GSR: variants seen among roughly 807,000 people sequenced by gnomAD.
GSR encodes the protein glutathione-disulfide reductase, also known as glutathione reductase, mitochondrial.
In GSR, 48 loss-of-function variants were observed where a neutral mutation model predicts 56.5. That is an observed-to-expected ratio of 0.85 (90% CI 0.67 to 1.08). GSR has a LOEUF of 1.08. GSR is among the 50% of genes least tolerant of loss of function. The pLI is 0.00. For missense variants in GSR, 694 were observed against 703.3 expected (o/e 0.99, Z 0.15); for synonymous variants, 264 against 270.8 (o/e 0.97, Z 0.25).
chr8:30,695,636 C>G (rs1440035766), intron 7 of GSR, among the ~76,000 whole-genome samples: 1 of 152,118 alleles, frequency 6.6e-6, no homozygotes, highest in African/African-American at 2.4e-5. Context: ...CTCAGGGAAG[C>G]CAAAAGATTG....
chr8:30,725,400 C>T (rs1370826997), intron 1 of GSR, among the ~76,000 whole-genome samples: 1 of 149,728 alleles, frequency 6.7e-6, no homozygotes, highest in African/African-American at 2.5e-5. Context: ...CCTGGCTCTA[C>T]TAAAAATACA....
At chr8:30,722,878 T>C (rs1356283156) in intron 1 of GSR, among the ~76,000 whole-genome samples, 1 of 152,200 alleles carries the variant, frequency 6.6e-6, no homozygotes, top group Non-Finnish European at 1.5e-5. Flanking sequence ...AGATGAACAA[T>C]GATTCACTGA....
chr8:30,696,296 T>G, intron 7 of GSR, 84 bp downstream of exon 7: 1 of 934,234 alleles, frequency 1.1e-6, no homozygotes, highest in African/African-American at 1.6e-5. Flanking sequence ...CTTTGCACCC[T>G]AGTATTTAAC....
chr8:30,717,590 C>A (rs534996942), intron 1 of GSR, among the ~76,000 whole-genome samples: 2 of 152,178 alleles, frequency 1.3e-5, no homozygotes, highest in South Asian at 4.1e-4. Flanking sequence ...GAGCGTGAAC[C>A]CTATTGTGAA....
chr8:30,704,963 T>C (rs1803874785), intron 4 of GSR: 1 of 152,172 alleles, frequency 6.6e-6, no homozygotes, highest in Admixed American at 6.6e-5. Context: ...GGATATTAGA[T>C]AGAAAGTTTC....
chr8:30,699,502 T>C (rs1228475691), intron 6 of GSR, among the ~76,000 whole-genome samples: 1 of 151,976 alleles, frequency 6.6e-6, no homozygotes, highest in African/African-American at 2.4e-5. Context: ...CTTTCTTTCT[T>C]GGTGTGATCT....
At chr8:30,716,474 A>G (rs1414460088) in intron 1 of GSR, among the ~76,000 whole-genome samples, 2 of 152,228 alleles carry the variant, frequency 1.3e-5, no homozygotes, top group African/African-American at 4.8e-5. Flanking sequence ...CATGCCAGCA[A>G]CATGACATGA....
At chr8:30,710,714 C>CAAAAAAAAAAAAAAAAA (rs60532553) in intron 2 of GSR, among the ~76,000 whole-genome samples, 2 of 51,044 alleles carry the variant, frequency 3.9e-5, no homozygotes, top group African/African-American at 1.3e-4. Context: ...GACTCTGTCT[C>CAAAAAAAAAAAAAAAAA]AAAAAAAAAA....
intron 8 of GSR, among the ~76,000 whole-genome samples, chr8:30,692,060 A>G (rs998106216): frequency 6.6e-6 from 1 of 151,400 alleles, no homozygotes; most frequent in Non-Finnish European, 1.5e-5. Context: ...CTGAGATTGC[A>G]CCAATGCACT....
intron 1 of GSR, 101 bp downstream of exon 1, chr8:30,727,429 A>C: frequency 1.7e-6 from 2 of 1,163,040 alleles, no homozygotes; most frequent in Non-Finnish European, 2.4e-6. Context: ...AGGAAAGCCC[A>C]GCGCCGGGGG....
At chr8:30,724,872 T>C in intron 1 of GSR, among the ~76,000 whole-genome samples, 1 of 152,186 alleles carries the variant, frequency 6.6e-6, no homozygotes, top group East Asian at 1.9e-4. Context: ...TCAGTAAATC[T>C]ACATTTTACA....
At chr8:30,708,729 G>C (rs1255846129) in intron 3 of GSR, among the ~76,000 whole-genome samples, 1 of 152,000 alleles carries the variant, frequency 6.6e-6, no homozygotes, top group Non-Finnish European at 1.5e-5. Context: ...GGCTGAGGTG[G>C]GCGGATCACG....
chr8:30,680,357 C>T (rs918499656), intron 12 of GSR, among the ~76,000 whole-genome samples: 3 of 149,678 alleles, frequency 2.0e-5, no homozygotes, highest in African/African-American at 7.4e-5. Flanking sequence ...GCGTGAGCCA[C>T]AGCGCCTGGC....
intron 2 of GSR, 147 bp downstream of exon 2, chr8:30,711,915 C>G (rs1804157165): frequency 2.3e-6 from 1 of 427,420 alleles, no homozygotes; most frequent in South Asian, 7.4e-5. Flanking sequence ...CAAAAACAAT[C>G]CTATTGCTTA....
At chr8:30,682,714 C>A (rs1388916454) in intron 10 of GSR, among the ~76,000 whole-genome samples, 1 of 152,116 alleles carries the variant, frequency 6.6e-6, no homozygotes, top group Non-Finnish European at 1.5e-5. Context: ...ATTTATGGAA[C>A]AAGCTATATT....
chr8:30,683,963 T>C (rs1803043931), intron 10 of GSR, 125 bp downstream of exon 10: 1 of 759,822 alleles, frequency 1.3e-6, no homozygotes, highest in East Asian at 2.5e-5. Flanking sequence ...ATTGTACCAT[T>C]TTGACAATAT....
At chr8:30,701,339 G>A (rs537369888) in intron 5 of GSR, among the ~76,000 whole-genome samples, 18 of 152,262 alleles carry the variant, frequency 1.2e-4, no homozygotes, top group Non-Finnish European at 2.2e-4. Flanking sequence ...GGTGGCGCAT[G>A]CCTGTAATCC....
chr8:30,727,819 C>G lies in GSR; in HGVS notation c.17G>C (p.Arg6Pro). 7.8e-7 allele frequency: 1 copy of G among 1,277,240 alleles called. No individual in the cohort carries two copies. Among genetic ancestry groups the G allele is most frequent in the African/African-American group, 1.6e-5 (1 of 63,946 alleles). 79.1% of individuals were successfully genotyped at this position (1,277,240 alleles called of 1,614,324 possible). Reference sequence around the variant, plus strand: ...CGGTCCCGCGCCGGCGCTCAGGGCTCGGGGCAGCAGGGCCATGCACGCGGA... The same window carrying G: ...CGGTCCCGCGCCGGCGCTCAGGGCTGGGGGCAGCAGGGCCATGCACGCGGA... MALLP[R>P]ALSAGAGPSW... Residue 6 changes from arginine to proline, a missense_variant, in exon 1 of 13, where the codon CGA (arginine) becomes CCA (proline). Physicochemically the swap from Arg to Pro is moderately radical, Grantham distance 103. Coordinates refer to ENST00000221130, the MANE Select transcript of GSR (RefSeq NM_000637.5).
chr8:30,680,001 G>A (rs184720875), intron 12 of GSR, among the ~76,000 whole-genome samples: 1 of 152,074 alleles, frequency 6.6e-6, no homozygotes, highest in African/African-American at 2.4e-5. Context: ...CACGGTGTCT[G>A]ACTGATATTG....
Sources: allele counts gnomAD v4.1 joint callset (sites outside exome capture counted in the v4.1 genomes callset), GRCh38; gene constraint gnomAD v4.1.1; transcripts MANE v1.5; gene names NCBI Gene and HGNC (gene_info 2026-07-23, HGNC 2026-07-21).